The following CYP27C1 variants were observed in gnomAD, a reference collection of about 807,000 sequenced individuals.
CYP27C1 encodes cytochrome P450 family 27 subfamily C member 1.
A neutral mutation model predicts 40.6 loss-of-function variants in CYP27C1; 29 were observed. That is an observed-to-expected ratio of 0.71 (90% CI 0.53 to 0.97). The LOEUF (loss-of-function observed/expected upper bound fraction) is 0.97. CYP27C1 is among the 50% of genes least tolerant of loss of function. CYP27C1 has a pLI of 0.00. For missense variants in CYP27C1, 390 were observed against 485.8 expected, an observed-to-expected ratio of 0.80 and a Z score of 1.85; for synonymous variants, 198 against 186.8, an observed-to-expected ratio of 1.06 and a Z score of -0.49.
At chr2:127,193,540 T>C (rs980693881) in intron 7 of CYP27C1, among the ~76,000 whole-genome samples, 2 of 152,150 alleles carry the variant, frequency 1.3e-5, no homozygotes, top group African/African-American at 4.8e-5. Flanking sequence ...ACTGGCCACT[T>C]CCACACGGCC....
rs1682700475 is a variant in CYP27C1 at position 127,188,972 on chromosome 2, C to T, written c.1498-1585G>A. 2.0e-5 allele frequency among the ~76,000 whole-genome samples: 3 copies of T among 152,244 alleles called. No individual in the cohort carries two copies. The South Asian group carries it at 6.2e-4, about 32-fold the overall frequency. ...TGGCATCTGGGTGGCTCAGCCTAAA[C>T]ACCTAACCTCTGACCCCTCGTGCTG... On this transcript the variant is annotated intron_variant, in intron 8 of 8. Transcript: ENST00000664447.
At chr2:127,204,282 A>AAGAGAG (rs1220024513) in intron 2 of CYP27C1, among the ~76,000 whole-genome samples, 1 of 109,278 alleles carries the variant, frequency 9.2e-6, no homozygotes, top group African/African-American at 3.8e-5. Context: ...AAAAGAAAGA[A>AAGAGAG]AGAGAGAGAG....
chr2:127,216,185 C>T (rs1683426743), intron 1 of CYP27C1, among the ~76,000 whole-genome samples: 1 of 152,198 alleles, frequency 6.6e-6, no homozygotes, highest in Non-Finnish European at 1.5e-5. Context: ...AGTTCCACTC[C>T]TAGATACATA....
Position 127,193,883 on chromosome 2 carries a change from CG to C in CYP27C1, c.1215-17del. On this transcript the variant is annotated splice_polypyrimidine_tract_variant and intron_variant, in intron 6 of 8. Transcript: ENST00000664447. The stretch of plus-strand genomic sequence containing the variant: ...TGGAAACAGCCTGGAAAAGAGCCAG[CG>C]GGGACGGGAATGGCGTGGTGACTTT... 3 of 1,613,260 alleles carry C rather than the reference CG, an allele frequency of 1.9e-6. No individual in the cohort carries two copies. Among genetic ancestry groups the C allele is most frequent in the Non-Finnish European group, 2.5e-6 (3 of 1,179,604 alleles).
intron 8 of CYP27C1, 23 bp from the exon 9 acceptor site, chr2:127,187,410 G>A (rs778850127): frequency 6.2e-7 from 1 of 1,601,508 alleles, no homozygotes; most frequent in South Asian, 1.1e-5. Flanking sequence ...AGAGAGAGAA[G>A]GGGTCAGAAT....
intron 4 of CYP27C1, among the ~76,000 whole-genome samples, chr2:127,199,956 C>T (rs994407167): frequency 2.0e-5 from 3 of 152,078 alleles, no homozygotes; most frequent in African/African-American, 4.8e-5. Flanking sequence ...GACTTCAGGA[C>T]TTCTATATTC....
intron 1 of CYP27C1, among the ~76,000 whole-genome samples, chr2:127,210,632 C>T (rs887296455): frequency 2.7e-5 from 4 of 150,610 alleles, no homozygotes; most frequent in African/African-American, 7.4e-5. Flanking sequence ...AAGGCAAAGA[C>T]ACACAGAGGC....
Position 127,195,478 on chromosome 2 carries a change from A to T in CYP27C1, c.1071T>A (p.Thr357=). 3 of 1,613,566 alleles carry T rather than the reference A, an allele frequency of 1.9e-6. No individual in the cohort carries two copies. The highest frequency in any genetic ancestry group is 2.7e-5 in the African/African-American group (2 of 74,820). The change falls in exon 6 of 9, where the codon ACT becomes ACA. Residue 357 remains threonine, a synonymous_variant. Coordinates refer to ENST00000664447, the MANE Select transcript of CYP27C1 (RefSeq NM_001367502.1). This position sits in a 1 kb window ranked among gnomAD's most constrained non-coding sequence, Gnocchi z 6.2. The part of the protein sequence containing the change: ...VDTTSFTLSW[T]VYLLARHPEV... Reference sequence around the variant, plus strand: ...CTGGGTGCCTTGCCAGGAGGTACACAGTCCAAGACAAGGTGAAGGACGTCT... The same window carrying T: ...CTGGGTGCCTTGCCAGGAGGTACACTGTCCAAGACAAGGTGAAGGACGTCT...
intron 7 of CYP27C1, among the ~76,000 whole-genome samples, chr2:127,193,519 T>C (rs885275): frequency 0.41 from 62,193 of 151,920 alleles, 13,059 homozygotes; most frequent in East Asian, 0.56. Flanking sequence ...CTTCAGAGAC[T>C]CCCAGCGGTG....
Position 127,204,438 on chromosome 2 carries a change from GAA to G in CYP27C1, c.474-869_474-868del, listed in dbSNP as rs1374936746. ...AAAAGAAAGAGAGAAAGGAAAGAAA[GAA>G]AAAGAAAGAAAGAAAGAAAGAAAGA... On this transcript the variant is annotated intron_variant, in intron 2 of 8. Coordinates refer to ENST00000664447, the MANE Select transcript of CYP27C1 (RefSeq NM_001367502.1). 1.2e-4 allele frequency among the ~76,000 whole-genome samples: 4 copies of G among 34,504 alleles called. 1 individual carries two copies. The highest frequency in any genetic ancestry group is 1.8e-4 in the African/African-American group (2 of 11,242). 22.6% of individuals were successfully genotyped at this position (34,504 alleles called of 152,430 possible). A position where few individuals can be genotyped will look rare whatever the true frequency, so the allele number is the denominator to read the frequency against.
In CYP27C1 at chr2:127,216,700, G is replaced by A. The variant is rs559258419; in HGVS notation, c.282+3289C>T. 7.2e-5 allele frequency among the ~76,000 whole-genome samples: 11 copies of A among 152,256 alleles called. No homozygotes were observed. In the East Asian group the frequency reaches 2.1e-3, roughly 29 times the overall value. ...TATCTTAAGAAAGCTGTTACTCCCT[G>A]CATAAAAAGAAATCACAATAAATGT... On this transcript the variant is annotated intron_variant, in intron 1 of 8. Transcript: ENST00000664447.
rs943690788 is a variant in CYP27C1 at position 127,183,860 on chromosome 2, G to A, written c.*3411C>T. On this transcript the variant is annotated 3_prime_UTR_variant, in exon 9 of 9. Transcript: ENST00000664447. This position sits in a 1 kb window ranked among gnomAD's most constrained non-coding sequence, Gnocchi z 5.1. The stretch of plus-strand genomic sequence containing the variant: ...TGTTTCTGAAGGCATCTTTTATTAC[G>A]GAAATGTTCACACGTACACAAAGTA... 1.3e-5 allele frequency among the ~76,000 whole-genome samples: 2 copies of A among 152,078 alleles called. No individual in the cohort carries two copies. The highest frequency in any genetic ancestry group is 2.9e-5 in the Non-Finnish European group (2 of 68,020).
intron 6 of CYP27C1, among the ~76,000 whole-genome samples, chr2:127,194,170 T>C (rs2089110): frequency 0.029 from 4,393 of 152,286 alleles, 202 homozygotes; most frequent in African/African-American, 0.094. Flanking sequence ...TAATATTTTA[T>C]GTGACCACGG....
At chr2:127,189,491 A>T (rs1682713281) in intron 8 of CYP27C1, among the ~76,000 whole-genome samples, 1 of 152,028 alleles carries the variant, frequency 6.6e-6, no homozygotes, top group Non-Finnish European at 1.5e-5. Context: ...ATTAGGACAA[A>T]TACCTAATGC....
At chr2:127,190,987 T>G (rs1379398677) in intron 8 of CYP27C1, among the ~76,000 whole-genome samples, 1 of 148,128 alleles carries the variant, frequency 6.8e-6, no homozygotes, top group Non-Finnish European at 1.5e-5. Context: ...GGCTCACACC[T>G]GTAATCCCAG....
intron 8 of CYP27C1, among the ~76,000 whole-genome samples, chr2:127,192,204 T>C (rs1261517854): frequency 1.3e-5 from 2 of 152,100 alleles, no homozygotes; most frequent in Non-Finnish European, 2.9e-5. Flanking sequence ...TAAGTGGCTG[T>C]TGCTTTCTGA....
intron 1 of CYP27C1, among the ~76,000 whole-genome samples, chr2:127,211,597 G>A (rs6752139): frequency 0.18 from 26,618 of 151,630 alleles, 2,808 homozygotes; most frequent in South Asian, 0.29. Context: ...GTATTAGCCA[G>A]GATGGTCTCG....
chr2:127,207,231 A>G (rs916530763), intron 1 of CYP27C1, among the ~76,000 whole-genome samples: 2 of 152,128 alleles, frequency 1.3e-5, no homozygotes, highest in African/African-American at 4.8e-5. Flanking sequence ...GCAAAGGCTC[A>G]TGCCTGTACT....
At chr2:127,205,355 C>T (rs1029274717) in intron 2 of CYP27C1, among the ~76,000 whole-genome samples, 5 of 152,128 alleles carry the variant, frequency 3.3e-5, no homozygotes, top group African/African-American at 1.2e-4. Flanking sequence ...GGATTTGGAC[C>T]GGGGCATCTG....
Sources: gnomAD v4.1 joint callset for allele counts (sites outside exome capture counted in the v4.1 genomes callset) on GRCh38, gnomAD v4.1.1 for gene constraint, Gnocchi (gnomAD v3.1) non-coding constraint, MANE v1.5 for transcripts, NCBI Gene and HGNC (gene_info 2026-07-23, HGNC 2026-07-21) for gene names.